Variants in DNMBP observed in about 807,000 individuals in gnomAD.
The protein encoded by DNMBP is dynamin binding protein.
A neutral mutation model predicts 150.0 loss-of-function variants in DNMBP; 87 were observed. The ratio of observed to expected loss-of-function variants is 0.58; its 90% CI spans 0.49 to 0.69. The LOEUF (loss-of-function observed/expected upper bound fraction) is 0.69, where lower values mean the gene tolerates loss of function less well. DNMBP is among the 30% of genes least tolerant of loss of function. The pLI is 0.00. For missense variants in DNMBP, 1,774 were observed against 1,949.0 expected (o/e 0.91, Z 1.69); for synonymous variants, 711 against 750.4 (o/e 0.95, Z 0.86).
chr10:100,005,788 A>AAAAAAAAAAT (rs2041064375), intron 1 of DNMBP, among the ~76,000 whole-genome samples: 1 of 147,904 alleles, frequency 6.8e-6, no homozygotes, highest in Non-Finnish European at 1.5e-5. Context: ...AAAAAAACCA[A>AAAAAAAAAAT]ACTACATAAA....
In DNMBP at chr10:99,969,002, A is replaced by G; in HGVS notation, c.268+113T>C. On this transcript the variant is annotated intron_variant, in intron 3 of 16. Coordinates refer to ENST00000324109, the MANE Select transcript of DNMBP (RefSeq NM_015221.4). ...ACGTCCACGCTATTTGGTATTGCCG[A>G]GGACTCTCTAGAGGTTAAGCCACTT... 3 of 1,231,000 alleles carry G rather than the reference A, an allele frequency of 2.4e-6. No homozygotes were observed. The Admixed American group carries it at 6.1e-5, about 25-fold the overall frequency. 76.3% of individuals were successfully genotyped at this position (1,231,000 alleles called of 1,614,324 possible).
intron 1 of DNMBP, among the ~76,000 whole-genome samples, chr10:100,004,088 A>AG (rs1334968575): frequency 1.3e-5 from 2 of 150,536 alleles, no homozygotes; most frequent in Non-Finnish European, 3.0e-5. Flanking sequence ...AAAAAAAAAA[A>AG]AGAAAAATTA....
chr10:99,889,543 G>A (rs2039524921), intron 11 of DNMBP: 1 of 152,218 alleles, frequency 6.6e-6, no homozygotes, highest in South Asian at 2.1e-4. Flanking sequence ...CTCCACAAAG[G>A]TAGAGACTTT....
In DNMBP at chr10:99,880,824, G is replaced by A. The variant is rs560464413; in HGVS notation, c.3998-463C>T. Among the ~76,000 whole-genome samples the A allele has an allele frequency of 2.3e-4, 35 of 152,328 alleles. 1 individual carries two copies. The South Asian group carries it at 6.6e-3, about 29-fold the overall frequency. ...CGAGTTAAGAACCAGCCTCGGCAGC[G>A]CACGGGAGCTCACGCCTGTAATCCT... On this transcript the variant is annotated intron_variant, in intron 15 of 16. Transcript: ENST00000324109.
chr10:99,922,527 T>TTAAA (rs1554864053), intron 4 of DNMBP, among the ~76,000 whole-genome samples: 1 of 78,966 alleles, frequency 1.3e-5, no homozygotes, highest in Non-Finnish European at 2.2e-5. Context: ...TTTTTTTTCT[T>TTAAA]AAAAAAAAAA....
Position 99,879,960 on chromosome 10 carries a change from G to A in DNMBP, c.4399C>T (p.Arg1467Trp), listed in dbSNP as rs770144097. ...KQPTATPRSY[R>W]NFRHPEIVGY... ...ACTATTTCTGGATGCCTGAAGTTCC[G>A]GTAGCTCCTCGGCGTGGCAGTGGGT... The change falls in exon 16 of 17, where the codon CGG (arginine) becomes TGG (tryptophan). Residue 1467 changes from arginine to tryptophan, a missense_variant. Arg to Trp is a moderately radical substitution (Grantham distance 101). Coordinates refer to ENST00000324109, the MANE Select transcript of DNMBP (RefSeq NM_015221.4). The A allele has an allele frequency of 3.0e-5, 48 of 1,613,866 alleles. 1 individual carries two copies. Among genetic ancestry groups the A allele is most frequent in the South Asian group, 3.0e-4 (27 of 91,072 alleles).
At chr10:99,946,000 A>C (rs1405566705) in intron 4 of DNMBP, among the ~76,000 whole-genome samples, 1 of 152,194 alleles carries the variant, frequency 6.6e-6, no homozygotes, top group Non-Finnish European at 1.5e-5. Flanking sequence ...TCTGTTGCCC[A>C]GGCTGTAGTG....
intron 4 of DNMBP, among the ~76,000 whole-genome samples, chr10:99,939,380 T>C (rs1016207910): frequency 1.6e-4 from 24 of 152,272 alleles, no homozygotes; most frequent in Non-Finnish European, 2.9e-5. Flanking sequence ...TAGGATGGTC[T>C]AACTTGTCTT....
Position 99,948,267 on chromosome 10 carries a change from G to C in DNMBP, c.2260+6947C>G, listed in dbSNP as rs142743599. On this transcript the variant is annotated intron_variant, in intron 4 of 16. Coordinates refer to ENST00000324109, the MANE Select transcript of DNMBP (RefSeq NM_015221.4). ...AAAATGTTAGTGTAATACTAGCACAGGAAAACTTGTCATCTTTGATTATGA... is the reference window on the plus strand; with the variant it reads ...AAAATGTTAGTGTAATACTAGCACACGAAAACTTGTCATCTTTGATTATGA... Among the ~76,000 whole-genome samples, 1,275 of 152,278 alleles carry C rather than the reference G, an allele frequency of 8.4e-3. 19 individuals carry two copies. The highest frequency in any genetic ancestry group is 0.029 in the African/African-American group (1,221 of 41,552).
At chr10:99,945,006 C>T (rs1241658761) in intron 4 of DNMBP, among the ~76,000 whole-genome samples, 2 of 152,146 alleles carry the variant, frequency 1.3e-5, no homozygotes, top group African/African-American at 2.4e-5. Context: ...AGCCCTCTTG[C>T]TAAATTACAG....
At chr10:99,878,928 C>G (rs1465122649) in intron 16 of DNMBP, among the ~76,000 whole-genome samples, 1 of 150,396 alleles carries the variant, frequency 6.6e-6, no homozygotes, top group Non-Finnish European at 1.5e-5. Context: ...CGAGACCATC[C>G]TGGCCAACAT....
intron 3 of DNMBP, among the ~76,000 whole-genome samples, chr10:99,960,511 T>A (rs1389212462): frequency 6.6e-6 from 1 of 151,490 alleles, no homozygotes; most frequent in Non-Finnish European, 1.5e-5. Context: ...GCTCTTGATT[T>A]AAAAAAAAAT....
At chr10:99,917,619 C>T (rs1212990676) in intron 4 of DNMBP, among the ~76,000 whole-genome samples, 2 of 152,170 alleles carry the variant, frequency 1.3e-5, no homozygotes, top group Non-Finnish European at 2.9e-5. Flanking sequence ...ACGTTCTTTA[C>T]ATTTTAATAA....
chr10:99,915,094 C>CA lies in DNMBP; in HGVS notation c.2261-5949dup, dbSNP rs1290992306. Among the ~76,000 whole-genome samples, 622 of 81,480 alleles carry CA rather than the reference C, an allele frequency of 7.6e-3. 12 individuals are homozygous for CA. The highest frequency in any genetic ancestry group is 0.032 in the Middle Eastern group (3 of 94). 53.5% of individuals were successfully genotyped at this position (81,480 alleles called of 152,430 possible). On this transcript the variant is annotated intron_variant, in intron 4 of 16. Coordinates refer to ENST00000324109, the MANE Select transcript of DNMBP (RefSeq NM_015221.4). ...GGGCAACAAGTGTGAAACTCTGTCT[C>CA]AAAAAAAAAAAAAAATATATATATA...
rs537636281 is a variant in DNMBP at position 99,982,431 on chromosome 10, G to A, written c.-10-10297C>T. On this transcript the variant is annotated intron_variant, in intron 1 of 16. Coordinates refer to ENST00000324109, the MANE Select transcript of DNMBP (RefSeq NM_015221.4). ...TGCAATCCAGCCTGGGCAACAGAGCGAGACCCTGTCTCAAAAAATAAATAA... is the reference window on the plus strand; with the variant it reads ...TGCAATCCAGCCTGGGCAACAGAGCAAGACCCTGTCTCAAAAAATAAATAA... 3.3e-5 allele frequency among the ~76,000 whole-genome samples: 5 copies of A among 152,004 alleles called. No individual in the cohort carries two copies. In the South Asian group the frequency reaches 6.2e-4, roughly 19 times the overall value.
intron 1 of DNMBP, among the ~76,000 whole-genome samples, chr10:99,990,107 A>G (rs1589451402): frequency 1.3e-5 from 2 of 152,364 alleles, no homozygotes; most frequent in Middle Eastern, 6.8e-3. Flanking sequence ...ATCAAAACGT[A>G]CATTCACATT....
At chr10:99,895,103 T>A in intron 10 of DNMBP, 53 bp from the exon 11 acceptor site, 1 of 1,027,890 alleles carries the variant, frequency 9.7e-7, no homozygotes, top group Non-Finnish European at 1.4e-6. Context: ...CCTTTAATCT[T>A]ACTGGCAAAA....
At chr10:99,922,462 G>A (rs1280659409) in intron 4 of DNMBP, among the ~76,000 whole-genome samples, 3 of 147,826 alleles carry the variant, frequency 2.0e-5, no homozygotes, top group African/African-American at 7.6e-5. Flanking sequence ...AATAACATAG[G>A]TAATGGCTTG....
chr10:99,968,234 C>T lies in DNMBP; in HGVS notation c.268+881G>A, dbSNP rs114609671. ...GCTCTGATAAGACAGTAGTAAAATGCGGATGTTTTGCACCTATCTCTTAAT... is the reference window on the plus strand; with the variant it reads ...GCTCTGATAAGACAGTAGTAAAATGTGGATGTTTTGCACCTATCTCTTAAT... On this transcript the variant is annotated intron_variant, in intron 3 of 16. Coordinates refer to ENST00000324109, the MANE Select transcript of DNMBP (RefSeq NM_015221.4). 3.0e-3 allele frequency among the ~76,000 whole-genome samples: 461 copies of T among 152,206 alleles called. 2 individuals carry two copies. Among genetic ancestry groups the T allele is most frequent in the African/African-American group, 0.01 (420 of 41,542 alleles).
Sources: gnomAD v4.1 joint callset for allele counts (sites outside exome capture counted in the v4.1 genomes callset) on GRCh38, gnomAD v4.1.1 for gene constraint, MANE v1.5 for transcripts, NCBI Gene and HGNC (gene_info 2026-07-23, HGNC 2026-07-21) for gene names.